Variants in GABRG3 observed in about 807,000 individuals in gnomAD.
GABRG3 encodes gamma-aminobutyric acid type A receptor subunit gamma3, also known as gamma-aminobutyric acid receptor subunit gamma-3.
A neutral mutation model predicts 48.8 loss-of-function variants in GABRG3; 25 were observed. That is an observed-to-expected ratio of 0.51 (90% CI 0.37 to 0.72). The LOEUF is 0.72. Among genes scored for constraint, GABRG3 ranks in the 30% least tolerant of loss-of-function variants. The pLI is 0.00. For synonymous variants in GABRG3, 227 were observed against 217.6 expected (o/e 1.04, Z -0.38); for missense variants, 394 against 577.9 (o/e 0.68, Z 3.26).
intron 2 of GABRG3, among the ~76,000 whole-genome samples, chr15:27,022,465 A>C (rs1451119703): frequency 6.6e-6 from 1 of 152,226 alleles, no homozygotes; most frequent in Non-Finnish European, 1.5e-5. Context: ...TTATTACCAT[A>C]TGAAGATCAT....
intron 3 of GABRG3, among the ~76,000 whole-genome samples, chr15:27,219,696 T>C (rs543445092): frequency 2.6e-5 from 4 of 152,282 alleles, no homozygotes; most frequent in African/African-American, 9.6e-5. Context: ...CACTGTTGGG[T>C]GTGCCTAACG....
At chr15:27,421,918 G>A (rs1290049751) in intron 5 of GABRG3, among the ~76,000 whole-genome samples, 3 of 149,566 alleles carry the variant, frequency 2.0e-5, no homozygotes, top group South Asian at 2.2e-4. Flanking sequence ...ATCCATGGGA[G>A]TGGGCTGCAT....
intron 3 of GABRG3, among the ~76,000 whole-genome samples, chr15:27,132,109 T>A (rs1296211368): frequency 6.6e-6 from 1 of 152,266 alleles, no homozygotes; most frequent in East Asian, 1.9e-4. Context: ...AATTGTTTCC[T>A]TTGTTGTACA....
chr15:27,076,472 C>T (rs1005091076), intron 3 of GABRG3, among the ~76,000 whole-genome samples: 3 of 151,970 alleles, frequency 2.0e-5, no homozygotes, highest in African/African-American at 7.3e-5. Context: ...TATAGGCGTG[C>T]AGCACCACGC....
chr15:27,308,067 CAT>C lies in GABRG3; in HGVS notation c.271-18737_271-18736del, dbSNP rs199883179. ...TGTATATAATATAAACATATATAAA[CAT>C]ATATGTTTATACATCCAAACATATA... On this transcript the variant is annotated intron_variant, in intron 3 of 9. Transcript: ENST00000615808. Among the ~76,000 whole-genome samples, 275 of 121,246 alleles carry C rather than the reference CAT, an allele frequency of 2.3e-3. 29 individuals are homozygous for C. The highest frequency in any genetic ancestry group is 8.3e-3 in the African/African-American group (210 of 25,222). 79.5% of individuals were successfully genotyped at this position (121,246 alleles called of 152,430 possible). A position where few individuals can be genotyped will look rare whatever the true frequency, so the allele number is the denominator to read the frequency against.
chr15:26,983,533 A>T (rs563221091), intron 2 of GABRG3, among the ~76,000 whole-genome samples: 1 of 152,352 alleles, frequency 6.6e-6, no homozygotes, highest in East Asian at 1.9e-4. Context: ...TTAAGATGGA[A>T]GGCTGAGGCA....
chr15:27,352,084 ATGTG>A lies in GABRG3; in HGVS notation c.574+23202_574+23205del, dbSNP rs1169424143. The stretch of plus-strand genomic sequence containing the variant: ...TGTATCGTGTGTGTGTGTATGGTGC[ATGTG>A]TGTGTATGATGTGTGTATGTATGGT... On this transcript the variant is annotated intron_variant, in intron 5 of 9. Coordinates refer to ENST00000615808, the MANE Select transcript of GABRG3 (RefSeq NM_033223.5). The surrounding 1 kb of genome is among the most constrained non-coding windows in gnomAD (Gnocchi z 4.0). 7.4e-6 allele frequency among the ~76,000 whole-genome samples: 1 copy of A among 136,004 alleles called. No individual in the cohort carries two copies. The highest frequency in any genetic ancestry group is 2.4e-4 in the South Asian group (1 of 4,130). 89.2% of individuals were successfully genotyped at this position (136,004 alleles called of 152,430 possible).
intron 3 of GABRG3, among the ~76,000 whole-genome samples, chr15:27,047,829 C>T (rs534423332): frequency 6.6e-6 from 1 of 152,330 alleles, no homozygotes. Flanking sequence ...TTACCTTAGT[C>T]TAGGAGACAA....
intron 5 of GABRG3, among the ~76,000 whole-genome samples, chr15:27,351,435 TGTG>T (rs1894585050): frequency 6.7e-6 from 1 of 149,488 alleles, no homozygotes. Flanking sequence ...GTGTGTATGG[TGTG>T]TGTGTATATG....
At chr15:27,071,090 C>T (rs149498749) in intron 3 of GABRG3, among the ~76,000 whole-genome samples, 131 of 152,262 alleles carry the variant, frequency 8.6e-4, no homozygotes, top group African/African-American at 3.0e-3. Flanking sequence ...TGGGCTCCCT[C>T]GTATCCTAGG....
chr15:27,373,724 C>T (rs1895490297), intron 5 of GABRG3, among the ~76,000 whole-genome samples: 1 of 152,072 alleles, frequency 6.6e-6, no homozygotes, highest in Non-Finnish European at 1.5e-5. Flanking sequence ...TTTTTGTTAA[C>T]CCTCATATTA....
At chr15:27,172,011 G>A (rs902876830) in intron 3 of GABRG3, among the ~76,000 whole-genome samples, 1 of 106,722 alleles carries the variant, frequency 9.4e-6, no homozygotes, top group African/African-American at 4.2e-5. Flanking sequence ...GAAAAACGGG[G>A]CCAAACTTAC....
chr15:27,279,083 T>A (rs899928459), intron 3 of GABRG3, among the ~76,000 whole-genome samples: 1 of 152,192 alleles, frequency 6.6e-6, no homozygotes, highest in African/African-American at 2.4e-5. Context: ...TATCTCCTCT[T>A]TTGTGAAATG....
chr15:27,123,700 G>A (rs117093571), intron 3 of GABRG3, among the ~76,000 whole-genome samples: 1,897 of 152,274 alleles, frequency 0.012, 20 homozygotes, highest in Non-Finnish European at 0.019. Context: ...TAGCACAGTG[G>A]GAGTGATAAA....
intron 3 of GABRG3, among the ~76,000 whole-genome samples, chr15:27,225,699 C>T (rs1889591400): frequency 6.6e-6 from 1 of 151,940 alleles, no homozygotes; most frequent in Admixed American, 6.5e-5. Flanking sequence ...GACTTTGTAG[C>T]CTGTCTAGTA....
chr15:27,051,732 G>T (rs1896458923), intron 3 of GABRG3, among the ~76,000 whole-genome samples: 2 of 152,190 alleles, frequency 1.3e-5, no homozygotes, highest in South Asian at 2.1e-4. Flanking sequence ...CATTTATTGT[G>T]CAGTCTACTT....
At chr15:27,316,909 T>C (rs1893250762) in intron 3 of GABRG3, among the ~76,000 whole-genome samples, 1 of 152,208 alleles carries the variant, frequency 6.6e-6, no homozygotes, top group East Asian at 1.9e-4. Flanking sequence ...AAAATTTTAG[T>C]GAGAGGAAGA....
At chr15:27,437,200 A>T (rs1888645636) in intron 5 of GABRG3, among the ~76,000 whole-genome samples, 1 of 152,194 alleles carries the variant, frequency 6.6e-6, no homozygotes, top group Non-Finnish European at 1.5e-5. Flanking sequence ...TGAAAAAAAA[A>T]ATCAAAACTC....
At chr15:27,309,056 A>T (rs948235628) in intron 3 of GABRG3, among the ~76,000 whole-genome samples, 2 of 150,898 alleles carry the variant, frequency 1.3e-5, no homozygotes, top group Non-Finnish European at 3.0e-5. Context: ...TTATATAGAA[A>T]CACATATAAT....
Sources: gnomAD v4.1 joint callset for allele counts (sites outside exome capture counted in the v4.1 genomes callset) on GRCh38, gnomAD v4.1.1 for gene constraint, Gnocchi (gnomAD v3.1) non-coding constraint, MANE v1.5 for transcripts, NCBI Gene and HGNC (gene_info 2026-07-23, HGNC 2026-07-21) for gene names.